GRIA1: variants seen among roughly 807,000 people sequenced by gnomAD.
The protein encoded by GRIA1 is glutamate receptor 1.
GRIA1 carries 31 observed loss-of-function variants against 99.2 expected under a neutral mutation model. That is an observed-to-expected ratio of 0.31 (90% CI 0.23 to 0.42). The LOEUF is 0.42. Ranked by LOEUF, GRIA1 falls within the 10% of genes least tolerant of loss-of-function variation. The probability of loss-of-function intolerance (pLI) is 1.00; values close to 1 mark genes in which losing one functional copy is unlikely to be tolerated. For synonymous variants in GRIA1, 438 were observed against 432.4 expected (o/e 1.01, Z -0.16); for missense variants, 782 against 1,157.5 (o/e 0.68, Z 4.71).
intron 10 of GRIA1, among the ~76,000 whole-genome samples, chr5:153,705,126 G>T (rs1454775024): frequency 6.6e-6 from 1 of 152,178 alleles, no homozygotes; most frequent in Non-Finnish European, 1.5e-5. Flanking sequence ...GATTCTGAGG[G>T]AATCCAGGGT....
chr5:153,696,888 G>A (rs13184513), intron 8 of GRIA1, among the ~76,000 whole-genome samples: 1 of 147,472 alleles, frequency 6.8e-6, no homozygotes, highest in Admixed American at 6.9e-5. Flanking sequence ...GTGTGTATTA[G>A]TCAAGTCATT....
intron 13 of GRIA1, among the ~76,000 whole-genome samples, chr5:153,774,073 T>TC (rs1386593182): frequency 0.19 from 4,095 of 21,754 alleles, 162 homozygotes; most frequent in Non-Finnish European, 0.24. Context: ...CAACCCCCCC[T>TC]CCCCCCACAC....
intron 2 of GRIA1, among the ~76,000 whole-genome samples, chr5:153,496,616 G>A (rs970902950): frequency 4.6e-5 from 7 of 152,170 alleles, no homozygotes; most frequent in Admixed American, 4.6e-4. Context: ...TTTCATGTAA[G>A]GCTAGGAATA....
chr5:153,800,861 C>A (rs939021498), intron 14 of GRIA1, among the ~76,000 whole-genome samples: 1 of 152,198 alleles, frequency 6.6e-6, no homozygotes, highest in Non-Finnish European at 1.5e-5. Flanking sequence ...TAGGGCAATA[C>A]GGTCCACCCC....
intron 2 of GRIA1, among the ~76,000 whole-genome samples, chr5:153,495,950 A>G (rs1388155953): frequency 6.6e-6 from 1 of 152,206 alleles, no homozygotes; most frequent in Non-Finnish European, 1.5e-5. Context: ...GTCATACTTT[A>G]TAGCTTTTGT....
chr5:153,733,482 CA>C (rs1761179670), intron 11 of GRIA1, among the ~76,000 whole-genome samples: 2 of 151,968 alleles, frequency 1.3e-5, no homozygotes, highest in African/African-American at 4.8e-5. Context: ...AAACAATGAA[CA>C]AAATGTCAAT....
At chr5:153,776,204 T>C (rs1386795735) in intron 13 of GRIA1, among the ~76,000 whole-genome samples, 1 of 152,156 alleles carries the variant, frequency 6.6e-6, no homozygotes, top group Non-Finnish European at 1.5e-5. Context: ...ATAATGAATG[T>C]GGTCATGAGT....
intron 13 of GRIA1, among the ~76,000 whole-genome samples, chr5:153,774,078 C>CCA (rs199597266): frequency 1.7e-3 from 152 of 87,986 alleles, no homozygotes; most frequent in African/African-American, 5.6e-3. Context: ...CCCCCTCCCC[C>CCA]CACACACACA....
intron 2 of GRIA1, among the ~76,000 whole-genome samples, chr5:153,507,192 T>C (rs1192152078): frequency 6.6e-6 from 1 of 152,006 alleles, no homozygotes; most frequent in Non-Finnish European, 1.5e-5. Flanking sequence ...TATTCTAGGG[T>C]TATGGAAGAA....
intron 11 of GRIA1, among the ~76,000 whole-genome samples, chr5:153,713,088 G>GCTGAGAC (rs1759433007): frequency 3.9e-5 from 6 of 152,300 alleles, no homozygotes; most frequent in African/African-American, 1.4e-4. Context: ...CATTGAGTTT[G>GCTGAGAC]ATATTGAGTC....
chr5:153,642,995 G>A (rs1462085097), intron 2 of GRIA1, among the ~76,000 whole-genome samples: 1 of 152,190 alleles, frequency 6.6e-6, no homozygotes, highest in Non-Finnish European at 1.5e-5. Context: ...ATGGGCTGAG[G>A]CACAACTCCT....
At chr5:153,794,498 T>G in intron 13 of GRIA1, 123 bp from the exon 14 acceptor site, 1 of 700,642 alleles carries the variant, frequency 1.4e-6, no homozygotes, top group Non-Finnish European at 2.6e-6. Flanking sequence ...CAGGGCATCC[T>G]CAGGTCAAAG....
Position 153,499,613 on chromosome 5 carries a change from C to CAAAA in GRIA1, c.220+5572_220+5575dup, listed in dbSNP as rs70976100. ...CTGGCAACAGAGCGAGAATTTGTCT[C>CAAAA]AAAAAAAAAAAAAAAAAAAAAAAAA... On this transcript the variant is annotated intron_variant, in intron 2 of 15. Transcript: ENST00000285900. 8.2e-3 allele frequency among the ~76,000 whole-genome samples: 344 copies of CAAAA among 42,104 alleles called. 44 individuals are homozygous for CAAAA. The highest frequency in any genetic ancestry group is 0.1 in the Middle Eastern group (2 of 20). The allele number at this position is 42,104 out of a possible 152,430, so 27.6% of individuals were successfully genotyped here.
intron 5 of GRIA1, 150 bp downstream of exon 5, chr5:153,656,022 T>A: frequency 1.5e-6 from 1 of 661,374 alleles, no homozygotes. Context: ...TACATTTTTA[T>A]CTTCTCCACA....
At chr5:153,531,868 T>A (rs1018400535) in intron 2 of GRIA1, among the ~76,000 whole-genome samples, 1 of 152,190 alleles carries the variant, frequency 6.6e-6, no homozygotes, top group Admixed American at 6.5e-5. Flanking sequence ...TATTTCCACT[T>A]CCAGTCACAG....
chr5:153,521,605 G>A (rs567912695), intron 2 of GRIA1, among the ~76,000 whole-genome samples: 1 of 152,164 alleles, frequency 6.6e-6, no homozygotes, highest in African/African-American at 2.4e-5. Context: ...GAGCCTTTTG[G>A]GAGTGGCTCA....
intron 2 of GRIA1, among the ~76,000 whole-genome samples, chr5:153,518,536 T>A (rs1188044526): frequency 6.6e-6 from 1 of 152,118 alleles, no homozygotes; most frequent in Admixed American, 6.6e-5. Flanking sequence ...CATGGCCTAA[T>A]GAGGGAAACT....
In GRIA1 at chr5:153,781,584, A is replaced by G. The variant is rs141280339; in HGVS notation, c.2270+11169A>G. On this transcript the variant is annotated intron_variant, in intron 13 of 15. Coordinates refer to ENST00000285900, the MANE Select transcript of GRIA1 (RefSeq NM_000827.4). ...ACATAGACCAGTTCCTACCCAGCCA[A>G]CTTCGATGTACATGATGACTTTCTG... Among the ~76,000 whole-genome samples, 732 of 152,232 alleles carry G rather than the reference A, an allele frequency of 4.8e-3. 4 individuals carry two copies. The highest frequency in any genetic ancestry group is 0.017 in the African/African-American group (687 of 41,546).
chr5:153,688,729 G>GT lies in GRIA1; in HGVS notation c.1134+2407dup, dbSNP rs750321458. On this transcript the variant is annotated intron_variant, in intron 8 of 15. Transcript: ENST00000285900. ...CATCTTCCTTTCAGATTCTTTTTTTGTTTTTTTGGAGACAGAGCCTTGCTC... is the reference window on the plus strand; with the variant it reads ...CATCTTCCTTTCAGATTCTTTTTTTGTTTTTTTTGGAGACAGAGCCTTGCTC... Among the ~76,000 whole-genome samples the GT allele has an allele frequency of 4.0e-5, 6 of 151,384 alleles. No homozygotes were observed. The South Asian group carries it at 6.3e-4, about 16-fold the overall frequency.
Sources: gnomAD v4.1 joint callset for allele counts (sites outside exome capture counted in the v4.1 genomes callset) on GRCh38, gnomAD v4.1.1 for gene constraint, MANE v1.5 for transcripts, NCBI Gene and HGNC (gene_info 2026-07-23, HGNC 2026-07-21) for gene names.